The following RLIM variants were observed in gnomAD, a reference collection of about 807,000 sequenced individuals.
RLIM encodes E3 ubiquitin-protein ligase RLIM.
RLIM carries 2 observed loss-of-function variants against 34.0 expected under a neutral mutation model. The ratio of observed to expected loss-of-function variants is 0.06; its 90% CI spans 0.02 to 0.19. RLIM has a LOEUF of 0.19. Among genes scored for constraint, RLIM ranks in the 10% least tolerant of loss-of-function variants. The pLI, the probability that RLIM is intolerant of heterozygous loss-of-function variation, is 1.00. For synonymous variants in RLIM, 169 were observed against 164.0 expected, an observed-to-expected ratio of 1.03 and a Z score of -0.23; for missense variants, 286 against 479.7, an observed-to-expected ratio of 0.60 and a Z score of 3.77.
chrX:74,603,847 T>C (rs112928106), intron 1 of RLIM, among the ~76,000 whole-genome samples: 11,041 of 111,442 alleles, frequency 0.099, 417 homozygotes, highest in Admixed American at 0.14. Context: ...CGGTGGCTCA[T>C]GCCTGTAATC....
In RLIM at chrX:74,591,079, C is replaced by T. The variant is rs1281647024; in HGVS notation, c.*361G>A. The T allele has an allele frequency of 5.6e-6, 1 of 179,110 alleles. No homozygotes were observed. Among genetic ancestry groups the T allele is most frequent in the Non-Finnish European group, 1.0e-5 (1 of 96,060 alleles). 14.8% of individuals were successfully genotyped at this position (179,110 alleles called of 1,213,427 possible). The stretch of plus-strand genomic sequence containing the variant: ...TAAACTGGTAATTTCCTTTGCTCCT[C>T]TCTTATGGTGTGGGAAAATTTAAAG... On this transcript the variant is annotated 3_prime_UTR_variant, in exon 4 of 4. Transcript: ENST00000332687.
chrX:74,600,209 G>A (rs746802988), intron 1 of RLIM, among the ~76,000 whole-genome samples: 1 of 110,123 alleles, frequency 9.1e-6, no homozygotes, highest in Admixed American at 9.8e-5. Flanking sequence ...CTGACAAATG[G>A]TTACTTTATA....
chrX:74,588,655 T>C lies in RLIM; in HGVS notation c.*2785A>G, dbSNP rs2079598336. On this transcript the variant is annotated 3_prime_UTR_variant, in exon 4 of 4. Coordinates refer to ENST00000332687, the MANE Select transcript of RLIM (RefSeq NM_016120.4). ...CAATGTGAACTCCCAACATTGTTTA[T>C]CCTTGTTCCTCTTACTGCATGAAGT... The C allele has an allele frequency of 8.9e-6, 1 of 112,308 alleles. No individual in the cohort carries two copies. Among genetic ancestry groups the C allele is most frequent in the Non-Finnish European group, 1.9e-5 (1 of 53,307 alleles). The allele number at this position is 112,308 out of a possible 1,213,427, so 9.3% of individuals were successfully genotyped here.
At chrX:74,608,476 T>G (rs1011719869) in intron 1 of RLIM, among the ~76,000 whole-genome samples, 2 of 110,142 alleles carry the variant, frequency 1.8e-5, no homozygotes, top group South Asian at 3.9e-4. Context: ...TCACTGACTT[T>G]CCTTATTGCA....
intron 1 of RLIM, among the ~76,000 whole-genome samples, chrX:74,600,880 C>T (rs900408280): frequency 6.8e-5 from 7 of 103,258 alleles, no homozygotes; most frequent in Admixed American, 4.2e-4. Flanking sequence ...AAGAGCTTGG[C>T]GTGGTGGCCC....
chrX:74,594,945 G>A lies in RLIM; in HGVS notation c.170-556C>T, dbSNP rs1014496133. ...AGGCAAAGGCAATTCTAAGCTGGGCGCACAGTGGTACCACATCTGTAGTGC... is the reference window on the plus strand; with the variant it reads ...AGGCAAAGGCAATTCTAAGCTGGGCACACAGTGGTACCACATCTGTAGTGC... On this transcript the variant is annotated intron_variant, in intron 2 of 3. Coordinates refer to ENST00000332687, the MANE Select transcript of RLIM (RefSeq NM_016120.4). Among the ~76,000 whole-genome samples the A allele has an allele frequency of 2.9e-4, 30 of 105,255 alleles. No individual in the cohort carries two copies. The Admixed American group carries it at 2.9e-3, about 10-fold the overall frequency. The allele number at this position is 105,255 out of a possible 115,157, so 91.4% of individuals were successfully genotyped here.
Position 74,585,430 on chromosome X carries a change from C to A in RLIM, c.*6010G>T, listed in dbSNP as rs1402105713. ...TTGACATTGGTTTGAAGCAACAGAA[C>A]CTTTATAGCAGATTCCCCTTTTTAA... On this transcript the variant is annotated 3_prime_UTR_variant, in exon 4 of 4. Coordinates refer to ENST00000332687, the MANE Select transcript of RLIM (RefSeq NM_016120.4). 1 of 111,573 alleles carries A rather than the reference C, an allele frequency of 9.0e-6. No homozygotes were observed. Among genetic ancestry groups the A allele is most frequent in the African/African-American group, 3.3e-5 (1 of 30,681 alleles). 9.2% of individuals were successfully genotyped at this position (111,573 alleles called of 1,213,427 possible).
chrX:74,602,000 T>C (rs2079663582), intron 1 of RLIM, among the ~76,000 whole-genome samples: 1 of 111,753 alleles, frequency 8.9e-6, no homozygotes. Flanking sequence ...TACAAAGCAA[T>C]GTTAACTTGC....
Position 74,589,047 on chromosome X carries a change from T to A in RLIM, c.*2393A>T, listed in dbSNP as rs758497820. The A allele has an allele frequency of 7.1e-5, 8 of 112,154 alleles. No homozygotes were observed. The highest frequency in any genetic ancestry group is 9.7e-5 in the African/African-American group (3 of 30,855). 9.2% of individuals were successfully genotyped at this position (112,154 alleles called of 1,213,427 possible). On this transcript the variant is annotated 3_prime_UTR_variant, in exon 4 of 4. Coordinates refer to ENST00000332687, the MANE Select transcript of RLIM (RefSeq NM_016120.4). The stretch of plus-strand genomic sequence containing the variant: ...TCCACTGAAGGCTAAAAGCTTAAAA[T>A]TCTATTTCCAGTGTTTATGAATAGC...
In RLIM at chrX:74,583,336, G is replaced by A; in HGVS notation, c.*8104C>T. ...CCCAACATTTGCTTTTGCTCTTGAG[G>A]GGCAGATGCCAACATGGAAACAGTC... is the stretch of plus-strand genomic sequence containing the variant. On this transcript the variant is annotated 3_prime_UTR_variant, in exon 4 of 4. Transcript: ENST00000332687. 1 of 917,372 alleles carries A rather than the reference G, an allele frequency of 1.1e-6. No homozygotes were observed. Among genetic ancestry groups the A allele is most frequent in the Admixed American group, 2.2e-5 (1 of 45,753 alleles). The allele number at this position is 917,372 out of a possible 1,213,427, so 75.6% of individuals were successfully genotyped here.
At chrX:74,596,933 G>A (rs2079642563) in intron 1 of RLIM, among the ~76,000 whole-genome samples, 1 of 111,835 alleles carries the variant, frequency 8.9e-6, no homozygotes, top group Admixed American at 9.5e-5. Flanking sequence ...CAGAGGATGG[G>A]TTTTTCAAAA....
At chrX:74,598,704 G>C (rs941947553) in intron 1 of RLIM, among the ~76,000 whole-genome samples, 66 of 106,910 alleles carry the variant, frequency 6.2e-4, no homozygotes, top group African/African-American at 2.1e-3. Flanking sequence ...GCATGAACCT[G>C]GGAGGCGGAG....
chrX:74,594,877 C>T (rs1209984088), intron 2 of RLIM, among the ~76,000 whole-genome samples: 3 of 86,810 alleles, frequency 3.5e-5, no homozygotes, highest in African/African-American at 1.4e-4. Flanking sequence ...CCAGCCTGGG[C>T]GAAAGTGCAA....
chrX:74,604,903 C>A (rs1386205845), intron 1 of RLIM, among the ~76,000 whole-genome samples: 1 of 111,332 alleles, frequency 9.0e-6, no homozygotes, highest in Non-Finnish European at 1.9e-5. Context: ...TCCTTTCCTG[C>A]TACCCTTCCA....
chrX:74,614,374 C>CCT (rs2079728196), intron 1 of RLIM, 48 bp downstream of exon 1: 2 of 112,474 alleles, frequency 1.8e-5, no homozygotes, highest in Admixed American at 1.9e-4. Flanking sequence ...CCGCTGTCTT[C>CCT]CTCTCGCTCT....
intron 1 of RLIM, among the ~76,000 whole-genome samples, chrX:74,605,468 G>C (rs1446651901): frequency 2.7e-5 from 3 of 112,027 alleles, no homozygotes; most frequent in African/African-American, 9.7e-5. Flanking sequence ...TAACAAAACA[G>C]GTCTCCAGAT....
Position 74,586,175 on chromosome X carries a change from C to G in RLIM, c.*5265G>C, listed in dbSNP as rs1236437874. The G allele has an allele frequency of 8.9e-6, 1 of 112,062 alleles. No individual in the cohort carries two copies. The highest frequency in any genetic ancestry group is 3.2e-5 in the African/African-American group (1 of 30,799). The allele number at this position is 112,062 out of a possible 1,213,427, so 9.2% of individuals were successfully genotyped here. A position where few individuals can be genotyped will look rare whatever the true frequency, so the allele number is the denominator to read the frequency against. On this transcript the variant is annotated 3_prime_UTR_variant, in exon 4 of 4. Coordinates refer to ENST00000332687, the MANE Select transcript of RLIM (RefSeq NM_016120.4). Reference sequence around the variant, plus strand: ...ACATCCTTAAAAGCAGCACCAGGGACAAATGGAGCTATCAAGAGGTAAAAT... The same window carrying G: ...ACATCCTTAAAAGCAGCACCAGGGAGAAATGGAGCTATCAAGAGGTAAAAT...
At chrX:74,595,399 T>G (rs1299103263) in intron 2 of RLIM, among the ~76,000 whole-genome samples, 1 of 111,985 alleles carries the variant, frequency 8.9e-6, no homozygotes, top group East Asian at 2.8e-4. Flanking sequence ...ATTGCTATGT[T>G]ACCCAAGGCT....
rs1243291544 is a variant in RLIM, at chrX:74,589,209, G to A, written c.*2231C>T. 1 of 111,319 alleles carries A rather than the reference G, an allele frequency of 9.0e-6. No homozygotes were observed. Among genetic ancestry groups the A allele is most frequent in the East Asian group, 2.8e-4 (1 of 3,525 alleles). 9.2% of individuals were successfully genotyped at this position (111,319 alleles called of 1,213,427 possible). ...CTTTCTCTTATGCTTAGAATGTGCT[G>A]CAATTGTTTTTAAACTATTTAAAAT... On this transcript the variant is annotated 3_prime_UTR_variant, in exon 4 of 4. Coordinates refer to ENST00000332687, the MANE Select transcript of RLIM (RefSeq NM_016120.4).
Sources: gnomAD v4.1 joint callset for allele counts (sites outside exome capture counted in the v4.1 genomes callset) on GRCh38, gnomAD v4.1.1 for gene constraint, MANE v1.5 for transcripts, NCBI Gene and HGNC (gene_info 2026-07-23, HGNC 2026-07-21) for gene names.